RASSF8: variants seen among roughly 807,000 people sequenced by gnomAD.
The protein encoded by RASSF8 is Ras association domain family member 8.
In RASSF8, 22 loss-of-function variants were observed where a neutral mutation model predicts 48.5. That is an observed-to-expected ratio of 0.45 (90% CI 0.32 to 0.65). RASSF8 has a LOEUF of 0.65. Ranked by LOEUF, RASSF8 falls within the 30% of genes least tolerant of loss-of-function variation. The probability of loss-of-function intolerance (pLI) is 0.03; values close to 1 mark genes in which losing one functional copy is unlikely to be tolerated. For missense variants in RASSF8, 418 were observed against 489.2 expected, an observed-to-expected ratio of 0.85 and a Z score of 1.37; for synonymous variants, 127 against 171.5, an observed-to-expected ratio of 0.74 and a Z score of 2.03.
intron 2 of RASSF8, among the ~76,000 whole-genome samples, chr12:26,037,926 AG>A (rs1444003599): frequency 6.6e-6 from 1 of 152,196 alleles, no homozygotes; most frequent in Non-Finnish European, 1.5e-5. Flanking sequence ...AGGTGGAGAG[AG>A]GGAGAAAAGC....
intron 1 of RASSF8, among the ~76,000 whole-genome samples, chr12:25,969,829 A>G (rs1941443229): frequency 6.6e-6 from 1 of 152,206 alleles, no homozygotes; most frequent in South Asian, 2.1e-4. Context: ...TTTAGTGGCC[A>G]GGGGCTGGGC....
intron 2 of RASSF8, among the ~76,000 whole-genome samples, chr12:26,003,801 A>T (rs1256812472): frequency 6.6e-6 from 1 of 152,080 alleles, no homozygotes; most frequent in Non-Finnish European, 1.5e-5. Flanking sequence ...TCTAAGGTTG[A>T]CCTGATGTCT....
chr12:26,052,860 CA>C (rs1943521589), intron 2 of RASSF8: 1 of 151,996 alleles, frequency 6.6e-6, no homozygotes, highest in African/African-American at 2.4e-5. Flanking sequence ...ATTAATGACT[CA>C]ATATATGACT....
intron 2 of RASSF8, among the ~76,000 whole-genome samples, chr12:26,033,043 G>C (rs1943061617): frequency 6.6e-6 from 1 of 152,194 alleles, no homozygotes; most frequent in Non-Finnish European, 1.5e-5. Context: ...CTTCTTTAGA[G>C]TAGCAACTAA....
At chr12:26,051,144 G>T (rs1013823116) in intron 2 of RASSF8, among the ~76,000 whole-genome samples, 1 of 152,092 alleles carries the variant, frequency 6.6e-6, no homozygotes, top group African/African-American at 2.4e-5. Context: ...AACTCTCCGA[G>T]ACTCACTTTT....
rs557118832 is a variant in RASSF8 at position 26,027,948 on chromosome 12, C to T, written c.-108-27288C>T. Among the ~76,000 whole-genome samples, 17 of 152,226 alleles carry T rather than the reference C, an allele frequency of 1.1e-4. No individual in the cohort carries two copies. In the South Asian group the frequency reaches 3.3e-3, roughly 30 times the overall value. ...TGTAGAAGTCAGGACAAAGGAGTGG[C>T]TGTGAGGAACGTCAGCTGTGCAGAT... On this transcript the variant is annotated intron_variant, in intron 2 of 5. Transcript: ENST00000689635.
At chr12:26,023,275 A>T (rs1196086692) in intron 2 of RASSF8, among the ~76,000 whole-genome samples, 1 of 152,216 alleles carries the variant, frequency 6.6e-6, no homozygotes, top group African/African-American at 2.4e-5. Flanking sequence ...CTGAGATTTG[A>T]TAGAAAACAT....
intron 2 of RASSF8, among the ~76,000 whole-genome samples, chr12:26,019,026 A>G (rs915517156): frequency 6.6e-6 from 1 of 152,142 alleles, no homozygotes; most frequent in Non-Finnish European, 1.5e-5. Context: ...AGACATTTAG[A>G]GGAGGTCTTT....
chr12:26,045,906 C>G (rs910312426), intron 2 of RASSF8, among the ~76,000 whole-genome samples: 1 of 152,150 alleles, frequency 6.6e-6, no homozygotes, highest in Non-Finnish European at 1.5e-5. Context: ...AATTTGCCAT[C>G]TCTTACGTAG....
At chr12:26,022,607 C>T (rs866073048) in intron 2 of RASSF8, among the ~76,000 whole-genome samples, 1 of 151,810 alleles carries the variant, frequency 6.6e-6, no homozygotes, top group Non-Finnish European at 1.5e-5. Context: ...GATACACTGC[C>T]TCATCAAATT....
chr12:26,057,434 A>G (rs1159015576), intron 3 of RASSF8, among the ~76,000 whole-genome samples: 1 of 152,122 alleles, frequency 6.6e-6, no homozygotes, highest in East Asian at 1.9e-4. Context: ...AGCTTCATCC[A>G]TATCCTTACA....
At chr12:26,008,513 C>T (rs7963754) in intron 2 of RASSF8, among the ~76,000 whole-genome samples, 53,109 of 152,034 alleles carry the variant, frequency 0.35, 10,444 homozygotes, top group Non-Finnish European at 0.45. Context: ...ATAATGCTTT[C>T]AGAAACACAG....
chr12:26,055,504 T>A (rs1764699756), intron 3 of RASSF8, 58 bp downstream of exon 3: 1 of 1,390,568 alleles, frequency 7.2e-7, no homozygotes, highest in African/African-American at 1.4e-5. Flanking sequence ...TCGTTGTATG[T>A]GTTTGTTTTA....
At chr12:26,017,456 A>G (rs1942677755) in intron 2 of RASSF8, among the ~76,000 whole-genome samples, 1 of 152,250 alleles carries the variant, frequency 6.6e-6, no homozygotes, top group Non-Finnish European at 1.5e-5. Flanking sequence ...ACTAAGGCTG[A>G]GATAGAATGC....
intron 1 of RASSF8, among the ~76,000 whole-genome samples, chr12:25,986,974 C>T (rs946937584): frequency 1.1e-4 from 16 of 150,146 alleles, no homozygotes; most frequent in African/African-American, 3.4e-4. Flanking sequence ...TTTCGCTCGT[C>T]GCCCAGGCTG....
rs545002312 is a variant in RASSF8, at chr12:25,960,814, A to G, written c.-203+1666A>G. Among the ~76,000 whole-genome samples the G allele has an allele frequency of 5.9e-5, 9 of 152,266 alleles. No homozygotes were observed. In the South Asian group the frequency reaches 1.9e-3, roughly 32 times the overall value. ...GGTGCATTAGAGGGCCCTGAGAGGG[A>G]GCAAATCATGGGGCTGTGCAGGCAG... On this transcript the variant is annotated intron_variant, in intron 1 of 5. Coordinates refer to ENST00000689635, the MANE Select transcript of RASSF8 (RefSeq NM_001394098.1).
downstream of RASSF8, among the ~76,000 whole-genome samples, chr12:26,073,322 T>A (rs1565653655): frequency 6.6e-6 from 1 of 152,198 alleles, no homozygotes. Context: ...TATTCCATGG[T>A]AGAGATGCAT....
intron 2 of RASSF8, among the ~76,000 whole-genome samples, chr12:26,018,124 A>G (rs902756589): frequency 1.3e-5 from 2 of 152,206 alleles, no homozygotes; most frequent in South Asian, 2.1e-4. Flanking sequence ...TCTTGAGATG[A>G]ATCTTTGAGA....
At chr12:26,064,037 T>A (rs1943807394) in intron 3 of RASSF8, among the ~76,000 whole-genome samples, 1 of 152,176 alleles carries the variant, frequency 6.6e-6, no homozygotes, top group South Asian at 2.1e-4. Flanking sequence ...TCCCAAGTTC[T>A]GATGTGGAAA....
Sources: allele counts gnomAD v4.1 joint callset (sites outside exome capture counted in the v4.1 genomes callset), GRCh38; gene constraint gnomAD v4.1.1; transcripts MANE v1.5; gene names NCBI Gene and HGNC (gene_info 2026-07-23, HGNC 2026-07-21).